The following DDX52 variants were observed in gnomAD, a reference collection of about 807,000 sequenced individuals.
DDX52 encodes the protein probable ATP-dependent RNA helicase DDX52.
DDX52 carries 59 observed loss-of-function variants against 76.1 expected under a neutral mutation model. The ratio of observed to expected loss-of-function variants is 0.78; its 90% CI spans 0.63 to 0.96. The LOEUF (loss-of-function observed/expected upper bound fraction) is 0.96. Ranked by LOEUF, DDX52 falls within the 40% of genes least tolerant of loss-of-function variation. The pLI is 0.00. For synonymous variants in DDX52, 231 were observed against 244.1 expected (o/e 0.95, Z 0.50); for missense variants, 707 against 703.9 (o/e 1.00, Z -0.05).
At chr17:37,614,622 A>G (rs2064403671) in intron 14 of DDX52, among the ~76,000 whole-genome samples, 1 of 152,232 alleles carries the variant, frequency 6.6e-6, no homozygotes, top group South Asian at 2.1e-4. Flanking sequence ...ACAATGATTC[A>G]GTGCTTACTG....
At position 37,621,167 on chromosome 17, in the gene DDX52, A is replaced by G. The variant is rs2030066498; in HGVS notation, c.1461T>C (p.Tyr487=). 6.2e-7 allele frequency: 1 copy of G among 1,613,586 alleles called. No homozygotes were observed. The highest frequency in any genetic ancestry group is 8.5e-7 in the Non-Finnish European group (1 of 1,179,846). Residue 487 remains tyrosine (Y), a synonymous_variant, in exon 11 of 15, where the codon TAT becomes TAC. Transcript: ENST00000617633. ...DFKGVNLVIN[Y]DFPTSSVEYI... is the part of the protein sequence containing the mutation. The stretch of plus-strand genomic sequence containing the variant: ...ATTCCACTGAGCTAGTTGGAAAGTC[A>G]TAGTTGATCACCAAGTTCACACCTT...
At chr17:37,619,044 A>G (rs74440978) in intron 13 of DDX52, among the ~76,000 whole-genome samples, 1,851 of 152,338 alleles carry the variant, frequency 0.012, 33 homozygotes, top group African/African-American at 0.042. Flanking sequence ...AGCATATTTT[A>G]CTTATACTGA....
intron 9 of DDX52, 66 bp downstream of exon 9, chr17:37,624,278 G>T: frequency 3.3e-6 from 4 of 1,204,160 alleles, no homozygotes; most frequent in Non-Finnish European, 2.4e-6. Flanking sequence ...CACTGTAATA[G>T]CCTCCCACTA....
intron 5 of DDX52, among the ~76,000 whole-genome samples, chr17:37,629,228 T>TACACACACAC (rs10661586): frequency 3.0e-5 from 4 of 133,876 alleles, no homozygotes; most frequent in Non-Finnish European, 6.4e-5. Context: ...CAAGAAAAAA[T>TACACACACAC]ACACACACAC....
In DDX52 at chr17:37,631,986, T is replaced by C; in HGVS notation, c.603+127A>G. On this transcript the variant is annotated intron_variant, in intron 4 of 14. Coordinates refer to ENST00000617633, the MANE Select transcript of DDX52 (RefSeq NM_007010.5). ...GGAGGCACAGGCATTTGATGAACCTTAAAAGGAAGTGAAGGATTTTAACAG... is the reference window on the plus strand; with the variant it reads ...GGAGGCACAGGCATTTGATGAACCTCAAAAGGAAGTGAAGGATTTTAACAG... 3 of 1,346,746 alleles carry C rather than the reference T, an allele frequency of 2.2e-6. No individual in the cohort carries two copies. In the East Asian group the frequency reaches 7.2e-5, roughly 32 times the overall value. 83.4% of individuals were successfully genotyped at this position (1,346,746 alleles called of 1,614,324 possible).
chr17:37,615,855 A>C (rs1417152734), intron 14 of DDX52, among the ~76,000 whole-genome samples: 12 of 152,104 alleles, frequency 7.9e-5, no homozygotes, highest in African/African-American at 2.4e-4. Context: ...CTCTACTAAA[A>C]ATACAAAAAT....
intron 2 of DDX52, among the ~76,000 whole-genome samples, chr17:37,633,900 A>G (rs1469878036): frequency 1.3e-5 from 2 of 150,234 alleles, no homozygotes; most frequent in Non-Finnish European, 3.0e-5. Context: ...ACAACAGGGG[A>G]TTAATTGAAA....
rs79312838 is a variant in DDX52, at chr17:37,626,085, C to A, written c.946G>T (p.Val316Leu). 1.1e-5 allele frequency: 18 copies of A among 1,614,020 alleles called. No individual in the cohort carries two copies. The South Asian group carries it at 1.8e-4, about 16-fold the overall frequency. The change falls in exon 8 of 15, where the codon GTA (valine) becomes TTA (leucine). Residue 316 changes from valine to leucine, a missense_variant. Physicochemically the swap from Val to Leu is conservative, Grantham distance 32. Coordinates refer to ENST00000617633, the MANE Select transcript of DDX52 (RefSeq NM_007010.5). ...AACAGTTTATCTGATTCGTCTACTA[C>A]AAGCCACTCAACACTAAGAAATAAC... ...GIDLASVEWL[V>L]VDESDKLFED...
intron 6 of DDX52, among the ~76,000 whole-genome samples, chr17:37,627,272 G>A (rs908624744): frequency 7.9e-5 from 12 of 151,980 alleles, no homozygotes; most frequent in Non-Finnish European, 2.9e-5. Context: ...GCACAACCTC[G>A]GCTCACTGCA....
At chr17:37,636,364 T>G (rs1020432056) in intron 2 of DDX52, among the ~76,000 whole-genome samples, 2 of 152,202 alleles carry the variant, frequency 1.3e-5, no homozygotes, top group Non-Finnish European at 2.9e-5. Flanking sequence ...CCTTATTACC[T>G]CTGTTGAGAA....
intron 9 of DDX52, among the ~76,000 whole-genome samples, chr17:37,622,358 A>C (rs1470431337): frequency 6.6e-6 from 1 of 151,364 alleles, no homozygotes; most frequent in Non-Finnish European, 1.5e-5. Flanking sequence ...CAGTGGTGCA[A>C]TCTTGGCTCA....
rs1394407712 is a variant in DDX52 at position 37,610,034 on chromosome 17, T to C, written c.*4262A>G. The C allele has an allele frequency of 2.6e-5, 4 of 152,286 alleles. No individual in the cohort carries two copies. Among genetic ancestry groups the C allele is most frequent in the Non-Finnish European group, 4.4e-5 (3 of 68,078 alleles). The allele number at this position is 152,286 out of a possible 1,614,324, so 9.4% of individuals were successfully genotyped here. A position where few individuals can be genotyped will look rare whatever the true frequency, so the allele number is the denominator to read the frequency against. On this transcript the variant is annotated 3_prime_UTR_variant, in exon 15 of 15. Coordinates refer to ENST00000617633, the MANE Select transcript of DDX52 (RefSeq NM_007010.5). The stretch of plus-strand genomic sequence containing the variant: ...CCATCCTGCCACCTTACAGTCCTTT[T>C]GTTTTTCCTATTCTTGCAGGCAAGT...
rs113192748 is a variant in DDX52 at position 37,626,041 on chromosome 17, C to A, written c.990G>T (p.Gly330=). 6.2e-7 allele frequency: 1 copy of A among 1,613,978 alleles called. No individual in the cohort carries two copies. ...AAATGGAAGCCAGCTGGTCTCTGAA[C>A]CCAGTTTTGCCATCTTCAAACAGTT... is the stretch of plus-strand genomic sequence containing the variant. ...SDKLFEDGKT[G]FRDQLASIFL... Residue 330 remains glycine, a synonymous_variant, in exon 8 of 15, where the codon GGG becomes GGT. Transcript: ENST00000617633.
chr17:37,616,753 A>C (rs1555808247), intron 14 of DDX52, among the ~76,000 whole-genome samples: 1 of 152,126 alleles, frequency 6.6e-6, no homozygotes, highest in Non-Finnish European at 1.5e-5. Context: ...TTGACTATTC[A>C]AATATACTTT....
chr17:37,627,267 A>T (rs2030428866), intron 6 of DDX52, among the ~76,000 whole-genome samples: 4 of 152,074 alleles, frequency 2.6e-5, no homozygotes, highest in Admixed American at 2.6e-4. Flanking sequence ...CAGTGGCACA[A>T]CCTCGGCTCA....
At position 37,642,303 on chromosome 17, in the gene DDX52, T is replaced by G; in HGVS notation, c.93A>C (p.Gly31=). 1 of 1,612,602 alleles carries G rather than the reference T, an allele frequency of 6.2e-7. No homozygotes were observed. The highest frequency in any genetic ancestry group is 8.5e-7 in the Non-Finnish European group (1 of 1,179,340). Residue 31 remains glycine, a synonymous_variant, in exon 2 of 15, where the codon GGA becomes GGC. Transcript: ENST00000617633. ...AAGAATCAAAGTCATATTTCCTTTT[T>G]CCTATCTAAAACCCAAAAAATGTAA... ...FSADAARFQI[G]KRKYDFDSSE...
At chr17:37,628,518 T>A in intron 6 of DDX52, 43 bp downstream of exon 6, 2 of 1,430,376 alleles carry the variant, frequency 1.4e-6, no homozygotes, top group South Asian at 2.4e-5. Context: ...AATTTCCAGA[T>A]TCCTTACATG....
chr17:37,639,210 T>C (rs1256681347), intron 2 of DDX52, among the ~76,000 whole-genome samples: 2 of 152,142 alleles, frequency 1.3e-5, no homozygotes, highest in East Asian at 3.8e-4. Context: ...TGAGGTTTAA[T>C]AAATTAAGAA....
intron 2 of DDX52, among the ~76,000 whole-genome samples, chr17:37,640,553 T>C (rs1331139474): frequency 6.6e-6 from 1 of 151,830 alleles, no homozygotes; most frequent in South Asian, 2.1e-4. Flanking sequence ...AACAGGGGAC[T>C]GGAGAGAAAC....
Sources: allele counts gnomAD v4.1 joint callset (sites outside exome capture counted in the v4.1 genomes callset), GRCh38; gene constraint gnomAD v4.1.1; transcripts MANE v1.5; gene names NCBI Gene and HGNC (gene_info 2026-07-23, HGNC 2026-07-21).